NCKAP5: variants seen among roughly 807,000 people sequenced by gnomAD.
NCKAP5 encodes the protein nck-associated protein 5.
In NCKAP5, 92 loss-of-function variants were observed where a neutral mutation model predicts 167.0. The observed-to-expected ratio is 0.55, with a 90% CI of 0.47 to 0.66. The LOEUF (loss-of-function observed/expected upper bound fraction) is 0.66. NCKAP5 is among the 30% of genes least tolerant of loss of function. The pLI is 0.00. For missense variants in NCKAP5, 2,378 were observed against 2,315.0 expected (o/e 1.03, Z -0.56); for synonymous variants, 891 against 877.4 (o/e 1.02, Z -0.27).
intron 11 of NCKAP5, among the ~76,000 whole-genome samples, chr2:132,820,990 C>CA (rs1380008937): frequency 6.6e-6 from 1 of 152,142 alleles, no homozygotes; most frequent in African/African-American, 2.4e-5. Flanking sequence ...CTCTGGACCA[C>CA]ATTTTAATTT....
intron 19 of NCKAP5, among the ~76,000 whole-genome samples, chr2:132,693,053 C>G (rs541429608): frequency 1.3e-5 from 2 of 152,318 alleles, no homozygotes; most frequent in South Asian, 4.1e-4. Flanking sequence ...ACAGCTGGAA[C>G]AGCCACTTGT....
intron 6 of NCKAP5, among the ~76,000 whole-genome samples, chr2:133,009,209 T>G (rs2078069709): frequency 6.6e-6 from 1 of 152,182 alleles, no homozygotes; most frequent in Non-Finnish European, 1.5e-5. Context: ...TATGAGAAAC[T>G]CCATTCTAAT....
chr2:132,849,516 T>C (rs1348809194), intron 11 of NCKAP5, among the ~76,000 whole-genome samples: 4 of 152,204 alleles, frequency 2.6e-5, no homozygotes, highest in African/African-American at 9.7e-5. Flanking sequence ...GACCACAGTT[T>C]CTCAGAAATC....
rs2086303522 is a variant in NCKAP5, at chr2:133,213,696, G to A, written c.207+20C>T. ...GACCTCTGGATGTTGTGGAATGAGGGGACGGCAGTCAGGACTTACCATGGC... is the reference window on the plus strand; with the variant it reads ...GACCTCTGGATGTTGTGGAATGAGGAGACGGCAGTCAGGACTTACCATGGC... On this transcript the variant is annotated intron_variant, in intron 5 of 19. Coordinates refer to ENST00000409261, the MANE Select transcript of NCKAP5 (RefSeq NM_207363.3). The A allele has an allele frequency of 6.2e-7, 1 of 1,612,826 alleles. No individual in the cohort carries two copies. The highest frequency in any genetic ancestry group is 8.5e-7 in the Non-Finnish European group (1 of 1,179,272).
chr2:133,281,155 A>C (rs935595014), intron 4 of NCKAP5, among the ~76,000 whole-genome samples: 2 of 152,212 alleles, frequency 1.3e-5, no homozygotes, highest in Admixed American at 1.3e-4. Context: ...GATTTTAGCT[A>C]ATTAACTTTT....
chr2:133,083,586 T>C (rs1237899501), intron 6 of NCKAP5, among the ~76,000 whole-genome samples: 1 of 152,202 alleles, frequency 6.6e-6, no homozygotes, highest in Non-Finnish European at 1.5e-5. Flanking sequence ...TGGATTGGCA[T>C]GGATCACGTA....
At chr2:132,964,165 C>T (rs1013717505) in intron 7 of NCKAP5, among the ~76,000 whole-genome samples, 4 of 152,200 alleles carry the variant, frequency 2.6e-5, no homozygotes, top group Non-Finnish European at 4.4e-5. Flanking sequence ...CCAATTTTAT[C>T]TGCACAATGA....
intron 3 of NCKAP5, among the ~76,000 whole-genome samples, chr2:133,403,983 C>T (rs1430077023): frequency 6.6e-6 from 1 of 152,128 alleles, no homozygotes; most frequent in African/African-American, 2.4e-5. Context: ...GCCCTTGCCC[C>T]TCAGCTGGGC....
rs578225878 is a variant in NCKAP5, at chr2:133,259,042, A to G, written c.143+43995T>C. 3.2e-3 allele frequency among the ~76,000 whole-genome samples: 494 copies of G among 152,216 alleles called. 3 individuals carry two copies. Among genetic ancestry groups the G allele is most frequent in the African/African-American group, 0.011 (474 of 41,540 alleles). On this transcript the variant is annotated intron_variant, in intron 4 of 19. Transcript: ENST00000409261. ...TGACCCATATTAATGGGTCTCTGCT[A>G]CCGCTCCACCTCCACCTCCCACCCT...
At chr2:133,286,911 A>C (rs1439546707) in intron 4 of NCKAP5, among the ~76,000 whole-genome samples, 1 of 152,230 alleles carries the variant, frequency 6.6e-6, no homozygotes, top group Admixed American at 6.5e-5. Context: ...TTAGAGCCAA[A>C]GGGTGAAAGG....
rs79402003 is a variant in NCKAP5 at position 132,996,860 on chromosome 2, T to G, written c.342-2621A>C. Among the ~76,000 whole-genome samples, 625 of 152,362 alleles carry G rather than the reference T, an allele frequency of 4.1e-3. 6 individuals carry two copies. The highest frequency in any genetic ancestry group is 0.014 in the African/African-American group (594 of 41,588). On this transcript the variant is annotated intron_variant, in intron 6 of 19. Transcript: ENST00000409261. ...ATGACCTTGTCATTGGGGCCCACCA[T>G]GAAGATTCATAGACCCAAACTCTGG...
chr2:132,683,962 A>C (rs1284727137), intron 19 of NCKAP5, among the ~76,000 whole-genome samples: 1 of 152,226 alleles, frequency 6.6e-6, no homozygotes, highest in South Asian at 2.1e-4. Flanking sequence ...GTCGTAGTAC[A>C]AAATTCTAGT....
intron 3 of NCKAP5, among the ~76,000 whole-genome samples, chr2:133,330,591 A>G (rs1682789130): frequency 6.6e-6 from 1 of 152,134 alleles, no homozygotes; most frequent in African/African-American, 2.4e-5. Flanking sequence ...TATTAGTAGC[A>G]GCTAAAAAAT....
At chr2:132,704,884 A>G (rs1023487846) in intron 19 of NCKAP5, among the ~76,000 whole-genome samples, 1 of 152,190 alleles carries the variant, frequency 6.6e-6, no homozygotes, top group Non-Finnish European at 1.5e-5. Flanking sequence ...TTAACTCACA[A>G]TTACTAACTT....
At chr2:133,216,647 T>A (rs2086441676) in intron 4 of NCKAP5, among the ~76,000 whole-genome samples, 2 of 152,090 alleles carry the variant, frequency 1.3e-5, no homozygotes, top group Non-Finnish European at 2.9e-5. Context: ...GTGAAAAAAG[T>A]AGAGAAAGGG....
chr2:133,139,475 G>A (rs2082917272), intron 5 of NCKAP5, among the ~76,000 whole-genome samples: 1 of 152,088 alleles, frequency 6.6e-6, no homozygotes, highest in South Asian at 2.1e-4. Flanking sequence ...ACAGTTTTTG[G>A]GTTAAAGAGA....
intron 19 of NCKAP5, among the ~76,000 whole-genome samples, chr2:132,718,272 C>A (rs1009227357): frequency 2.0e-5 from 3 of 152,242 alleles, no homozygotes; most frequent in Non-Finnish European, 4.4e-5. Context: ...CTTCTATCCT[C>A]TAGCACTAGA....
chr2:133,593,566 A>G, the NCKAP5 span, among the ~76,000 whole-genome samples: 1 of 152,168 alleles, frequency 6.6e-6, no homozygotes, highest in African/African-American at 2.4e-5. Context: ...TTTTTGCCGA[A>G]GGCTGGGGAA....
At chr2:133,198,640 G>A (rs6750477) in intron 5 of NCKAP5, among the ~76,000 whole-genome samples, 8,815 of 152,082 alleles carry the variant, frequency 0.058, 816 homozygotes, top group African/African-American at 0.2. Flanking sequence ...TATTAAGAAA[G>A]ACCTAAATGA....
Sources: allele counts gnomAD v4.1 joint callset (sites outside exome capture counted in the v4.1 genomes callset), GRCh38; gene constraint gnomAD v4.1.1; transcripts MANE v1.5; gene names NCBI Gene and HGNC (gene_info 2026-07-23, HGNC 2026-07-21).